The following YBX1 variants were observed in gnomAD, a reference collection of about 807,000 sequenced individuals.
The protein encoded by YBX1 is Y-box binding protein 1.
YBX1 carries 3 observed loss-of-function variants against 41.4 expected under a neutral mutation model. That is an observed-to-expected ratio of 0.07 (90% confidence interval 0.03 to 0.19). The LOEUF (loss-of-function observed/expected upper bound fraction) is 0.19, where lower values mean the gene tolerates loss of function less well. Among genes scored for constraint, YBX1 ranks in the 10% least tolerant of loss-of-function variants. YBX1 has a pLI of 1.00. For missense variants in YBX1, 274 were observed against 462.8 expected (o/e 0.59, Z 3.74); for synonymous variants, 133 against 165.8 (o/e 0.80, Z 1.52).
chr1:42,694,032 T>G (rs1176875288), intron 3 of YBX1, among the ~76,000 whole-genome samples: 2 of 143,364 alleles, frequency 1.4e-5, no homozygotes, highest in East Asian at 4.0e-4. Context: ...GGGTATTGGG[T>G]TTTTTTTTTT....
At chr1:42,683,101 C>T (rs1415878507) in intron 1 of YBX1, 6 of 559,570 alleles carry the variant, frequency 1.1e-5, no homozygotes, top group South Asian at 8.1e-5. Flanking sequence ...GAGGGCGCGG[C>T]GCACCGCCTA....
Position 42,696,521 on chromosome 1 carries a change from C to CGGG in YBX1, c.355-121_355-120insGGG. 1 of 726,956 alleles carries CGGG rather than the reference C, an allele frequency of 1.4e-6. No individual in the cohort carries two copies. Among genetic ancestry groups the CGGG allele is most frequent in the Non-Finnish European group, 2.1e-6 (1 of 470,592 alleles). 45.0% of individuals were successfully genotyped at this position (726,956 alleles called of 1,614,324 possible). A position where few individuals can be genotyped will look rare whatever the true frequency, so the allele number is the denominator to read the frequency against. On this transcript the variant is annotated intron_variant, in intron 4 of 7. Transcript: ENST00000321358. This position sits in a 1 kb window ranked among gnomAD's most constrained non-coding sequence, Gnocchi z 5.7. ...TGGTCACGCAGTTGCGCCCCCCCCC[C>CGGG]CTTTTTTTTCCTTAACTTTGTTGTT...
At position 42,703,166 on chromosome 1, in the gene YBX1, C is replaced by T. The variant is rs910854356; in HGVS notation, c.*1217C>T. On this transcript the variant is annotated 3_prime_UTR_variant, in exon 8 of 8. Coordinates refer to ENST00000321358, the MANE Select transcript of YBX1 (RefSeq NM_004559.5). ...GTCTTGATCTCTTGACCTTGTGATC[C>T]GCCCGCCTCAGCCTCCCAAAGTGCT... is the stretch of plus-strand genomic sequence containing the variant. 9.2e-5 allele frequency among the ~76,000 whole-genome samples: 14 copies of T among 152,054 alleles called. No individual in the cohort carries two copies. Among genetic ancestry groups the T allele is most frequent in the Non-Finnish European group, 1.6e-4 (11 of 68,010 alleles).
chr1:42,683,059 A>AC, intron 1 of YBX1: 2 of 447,924 alleles, frequency 4.5e-6, no homozygotes, highest in South Asian at 3.4e-5. Context: ...TGTTCGCGTC[A>AC]CCCCCACCCA....
At chr1:42,701,096 C>A in intron 7 of YBX1, 50 bp downstream of exon 7, 1 of 1,408,272 alleles carries the variant, frequency 7.1e-7, no homozygotes, top group South Asian at 1.3e-5. Context: ...GAGTGGTGAC[C>A]ATTTCGTTTT....
rs1650463653 is a variant in YBX1 at position 42,696,521 on chromosome 1, C to CG, written c.355-121_355-120insG. The CG allele has an allele frequency of 2.8e-6, 2 of 726,960 alleles. No individual in the cohort carries two copies. Among genetic ancestry groups the CG allele is most frequent in the Non-Finnish European group, 4.2e-6 (2 of 470,592 alleles). The allele number at this position is 726,960 out of a possible 1,614,324, so 45.0% of individuals were successfully genotyped here. ...TGGTCACGCAGTTGCGCCCCCCCCC[C>CG]CTTTTTTTTCCTTAACTTTGTTGTT... On this transcript the variant is annotated intron_variant, in intron 4 of 7. Transcript: ENST00000321358. This position sits in a 1 kb window ranked among gnomAD's most constrained non-coding sequence, Gnocchi z 5.7.
At chr1:42,683,747 C>CCATT (rs1380120736) in intron 2 of YBX1, among the ~76,000 whole-genome samples, 2 of 152,180 alleles carry the variant, frequency 1.3e-5, no homozygotes, top group African/African-American at 4.8e-5. Flanking sequence ...AGTGAATGAG[C>CCATT]CATTCCTTAA....
At chr1:42,701,780 G>C (rs921160356) in intron 7 of YBX1, among the ~76,000 whole-genome samples, 1 of 151,956 alleles carries the variant, frequency 6.6e-6, no homozygotes, top group Non-Finnish European at 1.5e-5. Flanking sequence ...ACATGATATC[G>C]AGAGGTACGT....
At chr1:42,686,961 A>T (rs1355914046) in intron 2 of YBX1, among the ~76,000 whole-genome samples, 1 of 152,198 alleles carries the variant, frequency 6.6e-6, no homozygotes, top group Non-Finnish European at 1.5e-5. Flanking sequence ...GTTGTTGTCC[A>T]CATAGTTACA....
At chr1:42,682,794 G>A (rs1007233784) in intron 1 of YBX1, 63 bp downstream of exon 1, 8 of 1,120,320 alleles carry the variant, frequency 7.1e-6, no homozygotes, top group Admixed American at 4.5e-5. Flanking sequence ...ACCGTTAGCC[G>A]GAGCTGGGCG....
At position 42,696,001 on chromosome 1, in the gene YBX1, T is replaced by C. The variant is rs116951693; in HGVS notation, c.265-198T>C. The stretch of plus-strand genomic sequence containing the variant: ...TAAATAGTGGTACAATGCTGGGGCC[T>C]TGTATGATTGGAGTGTTTTTGTTGA... On this transcript the variant is annotated intron_variant, in intron 3 of 7. Coordinates refer to ENST00000321358, the MANE Select transcript of YBX1 (RefSeq NM_004559.5). This position sits in a 1 kb window ranked among gnomAD's most constrained non-coding sequence, Gnocchi z 5.7. 1.7e-3 allele frequency among the ~76,000 whole-genome samples: 254 copies of C among 152,354 alleles called. 4 individuals carry two copies. The East Asian group carries it at 0.019, about 11-fold the overall frequency.
At chr1:42,682,753 G>C (rs896818186) in intron 1 of YBX1, 22 bp downstream of exon 1, 26 of 1,205,196 alleles carry the variant, frequency 2.2e-5, no homozygotes, top group African/African-American at 6.4e-5. Context: ...ACAGGGACGG[G>C]GGTGGGGCCC....
At position 42,696,579 on chromosome 1, in the gene YBX1, TTTGAAAGTG is replaced by T. The variant is rs1427062009; in HGVS notation, c.355-51_355-43del. The T allele has an allele frequency of 4.4e-5, 56 of 1,276,380 alleles. No individual in the cohort carries two copies. The highest frequency in any genetic ancestry group is 1.4e-4 in the African/African-American group (9 of 65,426). The allele number at this position is 1,276,380 out of a possible 1,614,324, so 79.1% of individuals were successfully genotyped here. ...TTGTTTGAAAATGTTCTGATTTCCT[TTTGAAAGTG>T]TTGAAAGTGTTCTGATTTCCTTTGT... On this transcript the variant is annotated intron_variant, in intron 4 of 7. Coordinates refer to ENST00000321358, the MANE Select transcript of YBX1 (RefSeq NM_004559.5). This position sits in a 1 kb window ranked among gnomAD's most constrained non-coding sequence, Gnocchi z 5.7.
chr1:42,697,653 C>A (rs1213365831), intron 6 of YBX1, among the ~76,000 whole-genome samples: 1 of 152,034 alleles, frequency 6.6e-6, no homozygotes, highest in Non-Finnish European at 1.5e-5. Flanking sequence ...CTAAACACTT[C>A]TCAGTTTAGA....
At chr1:42,698,958 G>C (rs1464286328) in intron 6 of YBX1, among the ~76,000 whole-genome samples, 1 of 152,174 alleles carries the variant, frequency 6.6e-6, no homozygotes, top group African/African-American at 2.4e-5. Flanking sequence ...GTGGGTTCAA[G>C]AGCAAACTGA....
intron 2 of YBX1, 38 bp from the exon 3 acceptor site, chr1:42,693,452 T>G: frequency 6.2e-7 from 1 of 1,611,464 alleles, no homozygotes; most frequent in Non-Finnish European, 8.5e-7. Context: ...GAGATTTATT[T>G]CATTTTCTAA....
chr1:42,694,605 G>A (rs1650415882), intron 3 of YBX1, among the ~76,000 whole-genome samples: 1 of 152,182 alleles, frequency 6.6e-6, no homozygotes, highest in African/African-American at 2.4e-5. Context: ...GTAGCTCACT[G>A]AAGTGTCCTA....
chr1:42,683,181 G>A (rs2148734027), intron 1 of YBX1: 3 of 663,182 alleles, frequency 4.5e-6, no homozygotes, highest in Non-Finnish European at 8.2e-6. Flanking sequence ...ACCCATCCTG[G>A]GGCCCGCGCC....
intron 2 of YBX1, among the ~76,000 whole-genome samples, chr1:42,689,869 A>C (rs899080141): frequency 6.6e-5 from 10 of 152,220 alleles, no homozygotes; most frequent in Non-Finnish European, 1.5e-5. Flanking sequence ...AGTGGTAGCA[A>C]TTAGATTTTA....
Sources: gnomAD v4.1 joint callset for allele counts (sites outside exome capture counted in the v4.1 genomes callset) on GRCh38, gnomAD v4.1.1 for gene constraint, Gnocchi (gnomAD v3.1) non-coding constraint, MANE v1.5 for transcripts, NCBI Gene and HGNC (gene_info 2026-07-23, HGNC 2026-07-21) for gene names.